The following GPC5 variants were observed in gnomAD, a reference collection of about 807,000 sequenced individuals.
The protein encoded by GPC5 is glypican 5, also known as glypican-5.
Under a neutral mutation model 53.9 loss-of-function variants are expected in GPC5, and 47 were observed. The ratio of observed to expected loss-of-function variants is 0.87; its 90% CI spans 0.69 to 1.11. GPC5 has a LOEUF of 1.11. Ranked by LOEUF, GPC5 falls within the 50% of genes most tolerant of loss-of-function variation. GPC5 has a pLI of 0.00. For missense variants in GPC5, 748 were observed against 713.1 expected (o/e 1.05, Z -0.56); for synonymous variants, 286 against 263.3 (o/e 1.09, Z -0.84).
At chr13:92,172,331 C>A (rs2042076693) in intron 7 of GPC5, among the ~76,000 whole-genome samples, 1 of 152,110 alleles carries the variant, frequency 6.6e-6, no homozygotes, top group Admixed American at 6.5e-5. Context: ...ATAGAAATCA[C>A]AGCCATTTAA....
At chr13:92,286,587 G>C (rs2042956508) in intron 7 of GPC5, among the ~76,000 whole-genome samples, 1 of 152,114 alleles carries the variant, frequency 6.6e-6, no homozygotes, top group African/African-American at 2.4e-5. Context: ...CCTTTGTAGG[G>C]ACATGGATGA....
At chr13:92,506,834 T>C (rs1461638825) in intron 7 of GPC5, among the ~76,000 whole-genome samples, 1 of 152,222 alleles carries the variant, frequency 6.6e-6, no homozygotes, top group East Asian at 1.9e-4. Context: ...TTAAAATTTC[T>C]GGAAACAAAT....
intron 7 of GPC5, among the ~76,000 whole-genome samples, chr13:92,563,957 A>G (rs1882783799): frequency 1.3e-5 from 2 of 150,272 alleles, no homozygotes; most frequent in African/African-American, 4.9e-5. Flanking sequence ...TTACTCATCA[A>G]CGTTTCATTA....
Position 91,713,112 on chromosome 13 carries a change from A to G in GPC5, c.1021-15420A>G, listed in dbSNP as rs150125119. On this transcript the variant is annotated intron_variant, in intron 3 of 7. Transcript: ENST00000377067. ...AGACTGAAGCACGAGGATTGCTTGA[A>G]CCCGGGAGGCGGAGGGTGCAGTGAG... 7.5e-3 allele frequency among the ~76,000 whole-genome samples: 1,138 copies of G among 152,196 alleles called. 11 individuals carry two copies. Among genetic ancestry groups the G allele is most frequent in the African/African-American group, 0.026 (1,089 of 41,534 alleles).
chr13:92,630,743 A>G (rs1260645130), intron 7 of GPC5, among the ~76,000 whole-genome samples: 1 of 152,190 alleles, frequency 6.6e-6, no homozygotes, highest in African/African-American at 2.4e-5. Context: ...TGAATAGTTC[A>G]GTCACAATCC....
intron 2 of GPC5, among the ~76,000 whole-genome samples, chr13:91,599,154 G>A (rs1485195710): frequency 1.3e-5 from 2 of 151,946 alleles, no homozygotes; most frequent in Admixed American, 6.6e-5. Flanking sequence ...CTTTTTAAAT[G>A]CCTAGTAATT....
rs556906542 is a variant in GPC5, at chr13:91,884,321, T to C, written c.1281-23616T>C. 6.6e-5 allele frequency among the ~76,000 whole-genome samples: 10 copies of C among 152,282 alleles called. No homozygotes were observed. The East Asian group carries it at 1.9e-3, about 29-fold the overall frequency. ...ATGCCTATGTTTATTGCAGCACTAT[T>C]CACAGTAGCAAAGGCATGGAATCAA... is the stretch of plus-strand genomic sequence containing the variant. On this transcript the variant is annotated intron_variant, in intron 5 of 7. Transcript: ENST00000377067.
chr13:91,544,065 G>T (rs1173067350), intron 2 of GPC5, among the ~76,000 whole-genome samples: 1 of 151,634 alleles, frequency 6.6e-6, no homozygotes, highest in African/African-American at 2.4e-5. Context: ...GTTATTTCTA[G>T]TACCTGAAAT....
chr13:91,527,247 A>G (rs1886128344), intron 2 of GPC5, among the ~76,000 whole-genome samples: 1 of 152,252 alleles, frequency 6.6e-6, no homozygotes, highest in Admixed American at 6.5e-5. Flanking sequence ...AGTTACTTCC[A>G]AGATACAATG....
intron 6 of GPC5, among the ~76,000 whole-genome samples, chr13:91,943,871 T>C (rs2039950591): frequency 6.6e-6 from 1 of 151,858 alleles, no homozygotes; most frequent in Non-Finnish European, 1.5e-5. Context: ...GAAATGACTT[T>C]TTTTTTTAAG....
chr13:91,696,004 G>C (rs990687112), intron 3 of GPC5, among the ~76,000 whole-genome samples: 3 of 152,168 alleles, frequency 2.0e-5, no homozygotes, highest in Middle Eastern at 3.2e-3. Context: ...GGCTGGGTCA[G>C]CTTCTAAAAC....
At chr13:92,596,725 G>A (rs1159160126) in intron 7 of GPC5, among the ~76,000 whole-genome samples, 1 of 152,108 alleles carries the variant, frequency 6.6e-6, no homozygotes, top group Admixed American at 6.6e-5. Context: ...ACCTGCCTTG[G>A]CTTCCCAAAG....
intron 6 of GPC5, among the ~76,000 whole-genome samples, chr13:91,953,489 A>G (rs1200477037): frequency 6.6e-6 from 1 of 152,178 alleles, no homozygotes; most frequent in Non-Finnish European, 1.5e-5. Flanking sequence ...AATCTCTTCT[A>G]AAATCAATCA....
chr13:92,102,333 T>C (rs2041473839), intron 6 of GPC5, among the ~76,000 whole-genome samples: 1 of 152,104 alleles, frequency 6.6e-6, no homozygotes, highest in Non-Finnish European at 1.5e-5. Context: ...CCTTGATGAT[T>C]AGTGTGTATT....
chr13:91,491,150 C>A (rs2139254134), intron 2 of GPC5, among the ~76,000 whole-genome samples: 1 of 152,282 alleles, frequency 6.6e-6, no homozygotes, highest in South Asian at 2.1e-4. Flanking sequence ...AGCCTGTGGC[C>A]TCTGTGTCAG....
At chr13:91,684,960 A>G (rs2035590279) in intron 2 of GPC5, among the ~76,000 whole-genome samples, 1 of 152,062 alleles carries the variant, frequency 6.6e-6, no homozygotes, top group Non-Finnish European at 1.5e-5. Flanking sequence ...GTAACCTTGC[A>G]CTCTACCTTC....
intron 5 of GPC5, among the ~76,000 whole-genome samples, chr13:91,840,085 C>A (rs1421662517): frequency 6.6e-6 from 1 of 152,040 alleles, no homozygotes; most frequent in Non-Finnish European, 1.5e-5. Context: ...CCATCCCTGG[C>A]TGTGAAAGCT....
intron 7 of GPC5, among the ~76,000 whole-genome samples, chr13:92,451,412 C>A (rs1878056897): frequency 6.6e-6 from 1 of 151,970 alleles, no homozygotes; most frequent in African/African-American, 2.4e-5. Flanking sequence ...CCTATTTCCT[C>A]CATGTCATCT....
At chr13:92,410,577 A>G (rs1364214550) in intron 7 of GPC5, among the ~76,000 whole-genome samples, 1 of 152,234 alleles carries the variant, frequency 6.6e-6, no homozygotes, top group Non-Finnish European at 1.5e-5. Context: ...AGGAAAAACA[A>G]CTACTGAATT....
Sources: gnomAD v4.1 joint callset for allele counts (sites outside exome capture counted in the v4.1 genomes callset) on GRCh38, gnomAD v4.1.1 for gene constraint, MANE v1.5 for transcripts, NCBI Gene and HGNC (gene_info 2026-07-23, HGNC 2026-07-21) for gene names.